The following DOCK9 variants were observed in gnomAD, a reference collection of about 807,000 sequenced individuals.
DOCK9 encodes the protein dedicator of cytokinesis protein 9.
DOCK9 carries 89 observed loss-of-function variants against 263.3 expected under a neutral mutation model. That is an observed-to-expected ratio of 0.34 (90% CI 0.28 to 0.40). The LOEUF is 0.40. Among genes scored for constraint, DOCK9 ranks in the 10% least tolerant of loss-of-function variants. The probability of loss-of-function intolerance (pLI) is 1.00; values close to 1 mark genes in which losing one functional copy is unlikely to be tolerated. For synonymous variants in DOCK9, 976 were observed against 973.1 expected (o/e 1.00, Z -0.06); for missense variants, 2,140 against 2,603.4 (o/e 0.82, Z 3.87).
chr13:98,818,518 T>C (rs1566590418), intron 45 of DOCK9, among the ~76,000 whole-genome samples: 1 of 152,184 alleles, frequency 6.6e-6, no homozygotes, highest in Admixed American at 6.5e-5. Flanking sequence ...TTTACCACTT[T>C]GCTTACAATT....
Position 98,977,885 on chromosome 13 carries a change from T to G in DOCK9, c.25A>C (p.Ser9Arg), listed in dbSNP as rs775016759. 5 of 1,596,926 alleles carry G rather than the reference T, an allele frequency of 3.1e-6. No homozygotes were observed. The South Asian group carries it at 5.7e-5, about 18-fold the overall frequency. The part of the protein sequence containing the change: MQADKCRT[S>R]SRSVKKELVI... ...AGTTCCTTTTTGACACTTCTACTACTTGTCCTGCATTTATCAGCCTGCATT... is the reference window on the plus strand; with the variant it reads ...AGTTCCTTTTTGACACTTCTACTACGTGTCCTGCATTTATCAGCCTGCATT... Residue 9 changes from serine to arginine, a missense_variant, in exon 1 of 53, where the codon AGT (serine) becomes CGT (arginine). By Grantham distance (110) the Ser-to-Arg change is moderately radical (BLOSUM62 -1). Transcript: ENST00000682017.
At position 98,926,747 on chromosome 13, in the gene DOCK9, T is replaced by G. The variant is rs140482938; in HGVS notation, c.334-828A>C. Among the ~76,000 whole-genome samples, 75 of 152,374 alleles carry G rather than the reference T, an allele frequency of 4.9e-4. 1 individual carries two copies. In the East Asian group the frequency reaches 0.013, roughly 27 times the overall value. ...TTAGTTCAAATGATCTTCTGTCCAG[T>G]CAGCACTTGACTATTTATGTGCAGA... On this transcript the variant is annotated intron_variant, in intron 3 of 52. Transcript: ENST00000682017.
chr13:99,086,238 G>T lies in DOCK9; in HGVS notation c.114C>A (p.Arg38=), dbSNP rs755971462. 3 of 1,505,184 alleles carry T rather than the reference G, an allele frequency of 2.0e-6. No homozygotes were observed. The African/African-American group carries it at 4.4e-5, about 22-fold the overall frequency. 93.2% of individuals were successfully genotyped at this position (1,505,184 alleles called of 1,614,324 possible). A position where few individuals can be genotyped will look rare whatever the true frequency, so the allele number is the denominator to read the frequency against. The change falls in exon 1 of 33, where the codon CGC becomes CGA. Residue 38 remains arginine, a synonymous_variant. Transcript: ENST00000427887. ...CCGCACTCACCAGGAGCACGGAGCC[G>T]CGCACCACCTCAGACACGCTCTGCC...
At chr13:98,886,452 A>C (rs948111441) in intron 19 of DOCK9, 80 bp downstream of exon 19, 8 of 1,157,032 alleles carry the variant, frequency 6.9e-6, no homozygotes, top group African/African-American at 1.5e-5. Context: ...CTTCTCTTGA[A>C]TTTTCCTTTA....
chr13:98,942,442 G>A (rs1433620474), intron 2 of DOCK9, among the ~76,000 whole-genome samples: 1 of 152,010 alleles, frequency 6.6e-6, no homozygotes, highest in Non-Finnish European at 1.5e-5. Flanking sequence ...GTTTTGCCGT[G>A]TTAGCCAGGA....
At position 98,989,316 on chromosome 13, in the gene DOCK9, AATGATGATG is replaced by A. The variant is rs10536129; in HGVS notation, c.130-33774_130-33766del. 1.9e-3 allele frequency among the ~76,000 whole-genome samples: 268 copies of A among 138,154 alleles called. 8 individuals carry two copies. The South Asian group carries it at 0.045, about 23-fold the overall frequency. 90.6% of individuals were successfully genotyped at this position (138,154 alleles called of 152,430 possible). Reference sequence around the variant, plus strand: ...TTTTGGGAGCTTGAAAATTAATAATAATGATGATGATGATGATGATGATGATGATGATAA... The same window carrying A: ...TTTTGGGAGCTTGAAAATTAATAATAATGATGATGATGATGATGATGATAA... On this transcript the variant is annotated intron_variant, in intron 1 of 32. Transcript: ENST00000427887.
chr13:98,970,367 G>A (rs1360243185), intron 1 of DOCK9, among the ~76,000 whole-genome samples: 1 of 152,176 alleles, frequency 6.6e-6, no homozygotes, highest in African/African-American at 2.4e-5. Context: ...AAGACAGAAC[G>A]TGGTAGTGGA....
At chr13:98,924,488 A>G (rs941897791) in intron 4 of DOCK9, among the ~76,000 whole-genome samples, 12 of 152,234 alleles carry the variant, frequency 7.9e-5, no homozygotes, top group African/African-American at 2.9e-4. Context: ...GTATAATTCA[A>G]TTTGCCAACT....
intron 1 of DOCK9, among the ~76,000 whole-genome samples, chr13:99,065,885 T>C (rs187576309): frequency 1.3e-5 from 2 of 152,186 alleles, no homozygotes; most frequent in African/African-American, 2.4e-5. Context: ...AACAAATGTG[T>C]TTGGACTCAA....
intron 38 of DOCK9, among the ~76,000 whole-genome samples, chr13:98,844,989 A>G (rs1445310826): frequency 2.0e-5 from 3 of 152,338 alleles, no homozygotes; most frequent in South Asian, 2.1e-4. Flanking sequence ...ATGCTTGGAG[A>G]AGAGATGGAA....
At chr13:99,041,806 G>A (rs146067172) in intron 1 of DOCK9, among the ~76,000 whole-genome samples, 108 of 152,316 alleles carry the variant, frequency 7.1e-4, no homozygotes, top group East Asian at 3.1e-3. Flanking sequence ...AGACAGAAGC[G>A]GAGAAGACAC....
intron 2 of DOCK9, among the ~76,000 whole-genome samples, chr13:98,944,057 C>A (rs1021880416): frequency 6.6e-6 from 1 of 152,154 alleles, no homozygotes. Context: ...CTGCATTTAT[C>A]CAATTCCACC....
chr13:99,079,366 C>T (rs1336657950), intron 1 of DOCK9, among the ~76,000 whole-genome samples: 4 of 152,096 alleles, frequency 2.6e-5, no homozygotes, highest in Admixed American at 6.5e-5. Flanking sequence ...ACTCAGCCCC[C>T]ATACCTACAC....
At chr13:98,849,289 T>C (rs2141458344) in intron 36 of DOCK9, among the ~76,000 whole-genome samples, 1 of 152,252 alleles carries the variant, frequency 6.6e-6, no homozygotes, top group Middle Eastern at 3.4e-3. Context: ...AGTTCCAAAA[T>C]GCATGAAACT....
chr13:98,941,159 G>A (rs1219920039), intron 2 of DOCK9, among the ~76,000 whole-genome samples: 3 of 152,142 alleles, frequency 2.0e-5, no homozygotes, highest in Non-Finnish European at 4.4e-5. Context: ...ATTACTCAAA[G>A]ATACTTCTGT....
rs556894194 is a variant in DOCK9 at position 98,928,012 on chromosome 13, A to C, written c.334-2093T>G. Among the ~76,000 whole-genome samples the C allele has an allele frequency of 4.9e-4, 50 of 102,218 alleles. 1 individual carries two copies. In the East Asian group the frequency reaches 9.1e-3, roughly 19 times the overall value. The allele number at this position is 102,218 out of a possible 152,430, so 67.1% of individuals were successfully genotyped here. A position where few individuals can be genotyped will look rare whatever the true frequency, so the allele number is the denominator to read the frequency against. ...ATAAGGAATCGCACATACAAAAAAA[A>C]AAAAAAACAAAAAAAAACTCCACAG... On this transcript the variant is annotated intron_variant, in intron 3 of 52. Transcript: ENST00000682017.
rs887369352 is a variant in DOCK9 at position 98,794,614 on chromosome 13, CAT to C, written c.*10_*11del. On this transcript the variant is annotated 3_prime_UTR_variant, in exon 53 of 53. Transcript: ENST00000682017. ...ACAAAGCAAGTCCCCACACACGGGC[CAT>C]GAGATGTAATCACACGACCGAAGAC... 6.3e-7 allele frequency: 1 copy of C among 1,577,002 alleles called. No homozygotes were observed. Among genetic ancestry groups the C allele is most frequent in the African/African-American group, 1.3e-5 (1 of 74,332 alleles).
rs780574222 is a variant in DOCK9, at chr13:98,888,349, T to G, written c.1977+11A>C. 1.9e-6 allele frequency: 3 copies of G among 1,611,020 alleles called. No individual in the cohort carries two copies. Among genetic ancestry groups the G allele is most frequent in the Middle Eastern group, 1.7e-4 (1 of 6,042 alleles). ...TGACATCAAGAATGAAACCTCCATCTTCACACTCACCTTGGCAAAAGACTT... is the reference window on the plus strand; with the variant it reads ...TGACATCAAGAATGAAACCTCCATCGTCACACTCACCTTGGCAAAAGACTT... On this transcript the variant is annotated intron_variant, in intron 17 of 52. Coordinates refer to ENST00000682017, the MANE Select transcript of DOCK9 (RefSeq NM_001366683.2).
intron 38 of DOCK9, among the ~76,000 whole-genome samples, chr13:98,843,060 C>T (rs901924665): frequency 1.3e-5 from 2 of 152,190 alleles, no homozygotes; most frequent in African/African-American, 2.4e-5. Context: ...TTCCCATGGG[C>T]CTCTGCTGCT....
Sources: allele counts gnomAD v4.1 joint callset (sites outside exome capture counted in the v4.1 genomes callset), GRCh38; gene constraint gnomAD v4.1.1; transcripts MANE v1.5; gene names NCBI Gene and HGNC (gene_info 2026-07-23, HGNC 2026-07-21).